The following ARHGAP6 variants were observed in gnomAD, a reference collection of about 807,000 sequenced individuals.
The protein encoded by ARHGAP6 is rho GTPase-activating protein 6.
A neutral mutation model predicts 55.7 loss-of-function variants in ARHGAP6; 16 were observed. The ratio of observed to expected loss-of-function variants is 0.29; its 90% CI spans 0.19 to 0.44. The LOEUF (loss-of-function observed/expected upper bound fraction) is 0.44, where lower values mean the gene tolerates loss of function less well. ARHGAP6 is among the 20% of genes least tolerant of loss of function. The pLI is 1.00. For missense variants in ARHGAP6, 698 were observed against 808.9 expected (o/e 0.86, Z 1.66); for synonymous variants, 382 against 360.9 (o/e 1.06, Z -0.66).
chrX:11,142,190 A>T, intron 12 of ARHGAP6, 43 bp downstream of exon 12: 2 of 970,631 alleles, frequency 2.1e-6, no homozygotes. Context: ...TTAGAAAATA[A>T]TTTTAAAAGT....
chrX:11,609,992 A>G (rs1057458371), intron 1 of ARHGAP6, among the ~76,000 whole-genome samples: 2 of 111,113 alleles, frequency 1.8e-5, no homozygotes, highest in Admixed American at 1.9e-4. Flanking sequence ...TGTTGGTATG[A>G]TTTTAGAGGA....
chrX:11,298,951 A>G (rs761524591), intron 1 of ARHGAP6: 1 of 1,208,749 alleles, frequency 8.3e-7, no homozygotes, highest in Non-Finnish European at 1.1e-6. Flanking sequence ...CCATCAACAG[A>G]CAAGACCAAG....
intron 1 of ARHGAP6, among the ~76,000 whole-genome samples, chrX:11,620,875 A>G (rs2052220492): frequency 1.8e-5 from 2 of 112,282 alleles, no homozygotes; most frequent in Admixed American, 1.9e-4. Flanking sequence ...CATCCGGTCC[A>G]AAATGTCAAC....
At position 11,147,151 on chromosome X, in the gene ARHGAP6, A is replaced by G. The variant is rs1333653904; in HGVS notation, c.1908-2903T>C. Among the ~76,000 whole-genome samples the G allele has an allele frequency of 2.7e-5, 3 of 112,339 alleles. 1 individual carries two copies. The highest frequency in any genetic ancestry group is 1.9e-5 in the Non-Finnish European group (1 of 53,258). On this transcript the variant is annotated intron_variant, in intron 10 of 12. Transcript: ENST00000337414. The stretch of plus-strand genomic sequence containing the variant: ...ACATACATACCCAACACACACGCAC[A>G]TACATATACATATTCAGACATAAAC...
At chrX:11,201,466 T>A (rs1481335862) in intron 2 of ARHGAP6, among the ~76,000 whole-genome samples, 2 of 112,185 alleles carry the variant, frequency 1.8e-5, no homozygotes, top group Non-Finnish European at 3.8e-5. Context: ...AAGTAACTTG[T>A]ACATGGGCAG....
chrX:11,355,100 T>C (rs2048916136), intron 1 of ARHGAP6, among the ~76,000 whole-genome samples: 1 of 112,011 alleles, frequency 8.9e-6, no homozygotes, highest in Non-Finnish European at 1.9e-5. Context: ...GGATTTCTAA[T>C]GAGCCAACAA....
chrX:11,444,954 G>A (rs1403641818), intron 1 of ARHGAP6, among the ~76,000 whole-genome samples: 2 of 111,779 alleles, frequency 1.8e-5, no homozygotes, highest in Middle Eastern at 9.3e-3. Context: ...TTGTTTCATA[G>A]CCCAGCCTGT....
intron 1 of ARHGAP6, among the ~76,000 whole-genome samples, chrX:11,555,815 C>T (rs1448215482): frequency 2.7e-5 from 3 of 111,035 alleles, no homozygotes; most frequent in Middle Eastern, 4.7e-3. Flanking sequence ...GAGGGAAGAG[C>T]GTACGCAGAG....
intron 6 of ARHGAP6, among the ~76,000 whole-genome samples, chrX:11,181,352 A>G (rs2046311787): frequency 8.9e-6 from 1 of 112,365 alleles, no homozygotes; most frequent in African/African-American, 3.2e-5. Flanking sequence ...TTCATTTTTG[A>G]GTTGCTGAGT....
At chrX:11,603,089 G>GA (rs1401665467) in intron 1 of ARHGAP6, among the ~76,000 whole-genome samples, 1 of 112,228 alleles carries the variant, frequency 8.9e-6, no homozygotes, top group African/African-American at 3.2e-5. Flanking sequence ...AAAGGGCCAT[G>GA]AACATGACCT....
chrX:11,583,512 T>A (rs2051689015), intron 1 of ARHGAP6, among the ~76,000 whole-genome samples: 2 of 112,625 alleles, frequency 1.8e-5, no homozygotes. Flanking sequence ...ATGAAATTAT[T>A]TTTAAAAAGG....
intron 2 of ARHGAP6, among the ~76,000 whole-genome samples, chrX:11,211,384 G>T (rs1409281436): frequency 9.3e-6 from 1 of 107,783 alleles, no homozygotes; most frequent in Admixed American, 1.0e-4. Context: ...ACACTAATTA[G>T]CCCGCCTGGC....
chrX:11,585,960 G>A (rs1180893537), intron 1 of ARHGAP6, among the ~76,000 whole-genome samples: 4 of 111,537 alleles, frequency 3.6e-5, no homozygotes, highest in Non-Finnish European at 7.5e-5. Context: ...CAACCAGATT[G>A]TGTGAGAACT....
intron 1 of ARHGAP6, among the ~76,000 whole-genome samples, chrX:11,319,134 A>G (rs1038722228): frequency 9.0e-6 from 1 of 111,612 alleles, no homozygotes; most frequent in South Asian, 3.7e-4. Flanking sequence ...ACATTTCTAT[A>G]TCTATATCTA....
At chrX:11,272,879 C>G (rs2047708716) in intron 1 of ARHGAP6, among the ~76,000 whole-genome samples, 1 of 111,809 alleles carries the variant, frequency 8.9e-6, no homozygotes, top group African/African-American at 3.2e-5. Context: ...AGTGTTATAG[C>G]ACAGTGGTTA....
At chrX:11,438,340 A>G (rs2050007551) in intron 1 of ARHGAP6, among the ~76,000 whole-genome samples, 1 of 112,559 alleles carries the variant, frequency 8.9e-6, no homozygotes, top group African/African-American at 3.2e-5. Context: ...AAATTAACAC[A>G]AATAGGCCTA....
intron 1 of ARHGAP6, among the ~76,000 whole-genome samples, chrX:11,635,028 T>G (rs2147179838): frequency 9.0e-6 from 1 of 110,752 alleles, no homozygotes; most frequent in South Asian, 3.7e-4. Context: ...ATCAGTTCCT[T>G]GCTGGCTGTT....
intron 1 of ARHGAP6, among the ~76,000 whole-genome samples, chrX:11,306,942 A>G (rs2048243798): frequency 8.9e-6 from 1 of 111,806 alleles, no homozygotes; most frequent in African/African-American, 3.3e-5. Flanking sequence ...AGCTACAAAC[A>G]TAGGCAAGTA....
chrX:11,353,549 AGTGTGTGTGTGTGTGT>A (rs200177159), intron 1 of ARHGAP6, among the ~76,000 whole-genome samples: 25 of 82,467 alleles, frequency 3.0e-4, no homozygotes, highest in Admixed American at 8.2e-4. Flanking sequence ...TATTGCTTAT[AGTGTGTGTGTGTGTGT>A]GTGTGTGTGT....
Sources: allele counts gnomAD v4.1 joint callset (sites outside exome capture counted in the v4.1 genomes callset), GRCh38; gene constraint gnomAD v4.1.1; transcripts MANE v1.5; gene names NCBI Gene and HGNC (gene_info 2026-07-23, HGNC 2026-07-21).